Variants in PLEK2 observed in about 807,000 individuals in gnomAD.
The protein encoded by PLEK2 is pleckstrin 2.
PLEK2 carries 29 observed loss-of-function variants against 43.8 expected under a neutral mutation model. That is an observed-to-expected ratio of 0.66 (90% CI 0.49 to 0.90). The LOEUF (loss-of-function observed/expected upper bound fraction) is 0.90, where lower values mean the gene tolerates loss of function less well. Ranked by LOEUF, PLEK2 falls within the 40% of genes least tolerant of loss-of-function variation. PLEK2 has a pLI of 0.00. For synonymous variants in PLEK2, 162 were observed against 173.2 expected, an observed-to-expected ratio of 0.94 and a Z score of 0.51; for missense variants, 398 against 448.1, an observed-to-expected ratio of 0.89 and a Z score of 1.01.
intron 7 of PLEK2, among the ~76,000 whole-genome samples, chr14:67,388,640 T>C (rs1025637708): frequency 8.5e-5 from 13 of 152,226 alleles, no homozygotes; most frequent in African/African-American, 3.1e-4. Context: ...TTAACCCTTG[T>C]GTGCATCTTA....
intron 3 of PLEK2, 36 bp downstream of exon 3, chr14:67,395,366 G>A (rs1254199164): frequency 1.9e-6 from 3 of 1,591,122 alleles, no homozygotes; most frequent in Non-Finnish European, 2.6e-6. Context: ...ACAGGCAGGA[G>A]AGGCTGCCAC....
chr14:67,390,029 A>G (rs550867266), intron 7 of PLEK2, among the ~76,000 whole-genome samples: 1 of 152,340 alleles, frequency 6.6e-6, no homozygotes, highest in South Asian at 2.1e-4. Context: ...CACTGTTTCA[A>G]CAAAAACTAA....
At chr14:67,396,860 C>G (rs2086014197) in intron 2 of PLEK2, among the ~76,000 whole-genome samples, 1 of 152,342 alleles carries the variant, frequency 6.6e-6, no homozygotes, top group Middle Eastern at 3.4e-3. Context: ...AAGAAACAAT[C>G]TTACCATTTT....
intron 7 of PLEK2, among the ~76,000 whole-genome samples, chr14:67,389,751 AT>A (rs2085953366): frequency 6.6e-6 from 1 of 151,856 alleles, no homozygotes; most frequent in Non-Finnish European, 1.5e-5. Context: ...TGAGAGTTAA[AT>A]ACAAAACTAA....
At chr14:67,396,665 T>C (rs2139860527) in intron 2 of PLEK2, among the ~76,000 whole-genome samples, 1 of 152,362 alleles carries the variant, frequency 6.6e-6, no homozygotes. Flanking sequence ...AATGACTGCC[T>C]CTCTCCTTGT....
chr14:67,392,900 G>A, intron 4 of PLEK2, 51 bp from the exon 5 acceptor site: 1 of 1,467,338 alleles, frequency 6.8e-7, no homozygotes, highest in Non-Finnish European at 9.3e-7. Flanking sequence ...CAGCGTCCTT[G>A]GGGTGTGTGG....
rs184951804 is a variant in PLEK2, at chr14:67,411,811, G to A, written c.42+207C>T. The stretch of plus-strand genomic sequence containing the variant: ...CTAACCAAGTGGGATTCTCCTCCTT[G>A]CCTGTGCGCTGAGCCACCGCTTACC... On this transcript the variant is annotated intron_variant, in intron 1 of 8. Coordinates refer to ENST00000216446, the MANE Select transcript of PLEK2 (RefSeq NM_016445.3). Among the ~76,000 whole-genome samples the A allele has an allele frequency of 8.5e-4, 129 of 152,292 alleles. No homozygotes were observed. In the Middle Eastern group the frequency reaches 0.01, roughly 12 times the overall value.
chr14:67,392,903 G>T, intron 4 of PLEK2, 54 bp from the exon 5 acceptor site: 1 of 1,453,232 alleles, frequency 6.9e-7, no homozygotes, highest in African/African-American at 1.4e-5. Flanking sequence ...CGTCCTTGGG[G>T]TGTGTGGCCA....
intron 1 of PLEK2, among the ~76,000 whole-genome samples, chr14:67,402,988 A>C (rs2086058761): frequency 6.6e-6 from 1 of 152,150 alleles, no homozygotes; most frequent in Admixed American, 6.6e-5. Flanking sequence ...TTTTTTGAGG[A>C]GCCTCTAAAT....
chr14:67,388,473 C>A lies in PLEK2; in HGVS notation c.856-171G>T, dbSNP rs150974897. Among the ~76,000 whole-genome samples the A allele has an allele frequency of 5.2e-3, 799 of 152,306 alleles. 5 individuals are homozygous for A. The highest frequency in any genetic ancestry group is 9.2e-3 in the Non-Finnish European group (623 of 68,034). On this transcript the variant is annotated intron_variant, in intron 7 of 8. Coordinates refer to ENST00000216446, the MANE Select transcript of PLEK2 (RefSeq NM_016445.3). ...AAAGCTGCATGCATCAGTAAGGAAG[C>A]TTGGGCCTCTTCATTTCACAGCCAG... is the stretch of plus-strand genomic sequence containing the variant.
In PLEK2 at chr14:67,393,240, G is replaced by A. The variant is rs749357488; in HGVS notation, c.391C>T (p.Arg131Cys). Residue 131 changes from arginine to cysteine, a missense_variant and splice_region_variant, in exon 4 of 9, where the codon CGC (arginine) becomes TGC (cysteine). Transcript: ENST00000216446. The stretch of plus-strand genomic sequence containing the variant: ...CTATCGTGCATCTTGTCCACAATGC[G>A]ACTACATGGAAGGGAAGGCAAAGGA... Reference protein sequence around the residue: ...FKLPPHISLHRIVDKMHDSNT... With the variant: ...FKLPPHISLHCIVDKMHDSNT... 9.9e-6 allele frequency: 16 copies of A among 1,610,670 alleles called. No homozygotes were observed. Among genetic ancestry groups the A allele is most frequent in the South Asian group, 7.7e-5 (7 of 90,986 alleles).
intron 3 of PLEK2, among the ~76,000 whole-genome samples, chr14:67,394,664 C>T (rs2085993521): frequency 6.6e-6 from 1 of 152,022 alleles, no homozygotes; most frequent in African/African-American, 2.4e-5. Flanking sequence ...GTTCTTTTGC[C>T]TGGGAGGTTG....
Position 67,395,427 on chromosome 14 carries a change from T to C in PLEK2, c.364A>G (p.Lys122Glu). 6.2e-7 allele frequency: 1 copy of C among 1,613,958 alleles called. No individual in the cohort carries two copies. Residue 122 changes from lysine to glutamate, a missense_variant, in exon 3 of 9, where the codon AAG becomes GAG. Coordinates refer to ENST00000216446, the MANE Select transcript of PLEK2 (RefSeq NM_016445.3). ...QQLHSLRNSF[K>E]LPPHISLHRI... ...TGCAGGCTGATGTGCGGGGGCAGCT[T>C]GAAGGAGTTTCTCAGGCTGTGCAGC... is the stretch of plus-strand genomic sequence containing the variant.
chr14:67,402,062 C>T (rs1336173682), intron 1 of PLEK2, among the ~76,000 whole-genome samples: 2 of 152,066 alleles, frequency 1.3e-5, no homozygotes, highest in African/African-American at 4.8e-5. Context: ...ACTCAGGAGG[C>T]GGAGTTTGCA....
chr14:67,403,589 C>A (rs936497430), intron 1 of PLEK2, among the ~76,000 whole-genome samples: 2 of 152,242 alleles, frequency 1.3e-5, no homozygotes, highest in African/African-American at 4.8e-5. Flanking sequence ...GTGTTACAAG[C>A]AACTGAGAAT....
rs972468054 is a variant in PLEK2, at chr14:67,394,663, C to A, written c.389+739G>T. ...TTGATGGGTGTTAACAGTTCTTTTGCCTGGGAGGTTGGTGGAGATTTACTG... is the reference window on the plus strand; with the variant it reads ...TTGATGGGTGTTAACAGTTCTTTTGACTGGGAGGTTGGTGGAGATTTACTG... On this transcript the variant is annotated intron_variant, in intron 3 of 8. Transcript: ENST00000216446. Among the ~76,000 whole-genome samples the A allele has an allele frequency of 2.0e-5, 3 of 151,974 alleles. No homozygotes were observed. In the East Asian group the frequency reaches 5.8e-4, roughly 29 times the overall value.
At chr14:67,400,790 C>T (rs993236613) in intron 1 of PLEK2, among the ~76,000 whole-genome samples, 1 of 151,886 alleles carries the variant, frequency 6.6e-6, no homozygotes, top group African/African-American at 2.4e-5. Flanking sequence ...GAGTTTGAGA[C>T]TAGCCTGGGC....
At chr14:67,397,041 C>T (rs751159419) in intron 2 of PLEK2, among the ~76,000 whole-genome samples, 2 of 99,036 alleles carry the variant, frequency 2.0e-5, no homozygotes, top group Non-Finnish European at 3.4e-5. Flanking sequence ...CAGGGTCAAG[C>T]GATTCTCCTG....
At chr14:67,388,972 C>T (rs373595807) in intron 7 of PLEK2, among the ~76,000 whole-genome samples, 18 of 152,044 alleles carry the variant, frequency 1.2e-4, no homozygotes, top group African/African-American at 4.1e-4. Flanking sequence ...AGCCACTGCA[C>T]CCAGCTATAG....
Sources: allele counts gnomAD v4.1 joint callset (sites outside exome capture counted in the v4.1 genomes callset), GRCh38; gene constraint gnomAD v4.1.1; transcripts MANE v1.5; gene names NCBI Gene and HGNC (gene_info 2026-07-23, HGNC 2026-07-21).